The following PTPRQ variants were observed in gnomAD, a reference collection of about 807,000 sequenced individuals.
PTPRQ encodes the protein phosphatidylinositol phosphatase PTPRQ.
A neutral mutation model predicts 246.0 loss-of-function variants in PTPRQ; 199 were observed. The observed-to-expected ratio is 0.81, with a 90% CI of 0.72 to 0.91. The LOEUF is 0.91. Among genes scored for constraint, PTPRQ ranks in the 40% least tolerant of loss-of-function variants. The pLI, the probability that PTPRQ is intolerant of heterozygous loss-of-function variation, is 0.00. For missense variants in PTPRQ, 2,624 were observed against 2,528.4 expected (o/e 1.04, Z -0.81); for synonymous variants, 869 against 853.2 (o/e 1.02, Z -0.32).
In PTPRQ at chr12:80,445,720, A is replaced by T; in HGVS notation, c.390+3A>T. The T allele has an allele frequency of 6.6e-7, 1 of 1,513,376 alleles. No individual in the cohort carries two copies. Among genetic ancestry groups the T allele is most frequent in the Non-Finnish European group, 9.0e-7 (1 of 1,112,784 alleles). The allele number at this position is 1,513,376 out of a possible 1,614,324, so 93.7% of individuals were successfully genotyped here. On this transcript the variant is annotated splice_donor_region_variant and intron_variant, in intron 3 of 44. Transcript: ENST00000644991. ...CTGGAACAACATATGAAATTAAGGT[A>T]ATTATTTTGTGTATGACTACTTAGT...
At chr12:80,552,918 G>C (rs1474920328) in intron 25 of PTPRQ, among the ~76,000 whole-genome samples, 4 of 151,618 alleles carry the variant, frequency 2.6e-5, no homozygotes, top group Non-Finnish European at 1.5e-5. Context: ...TTGGGAATTA[G>C]GACTCAGATC....
chr12:80,633,072 G>A (rs1020762054), intron 34 of PTPRQ, among the ~76,000 whole-genome samples: 2 of 152,010 alleles, frequency 1.3e-5, no homozygotes, highest in Admixed American at 1.3e-4. Context: ...CCTCACTTTC[G>A]GCCGGCTGGC....
intron 17 of PTPRQ, among the ~76,000 whole-genome samples, chr12:80,523,766 A>G (rs1252325119): frequency 2.6e-5 from 4 of 152,180 alleles, no homozygotes; most frequent in Non-Finnish European, 5.9e-5. Context: ...ACATTTGCTG[A>G]GGAGTGCTTT....
intron 3 of PTPRQ, among the ~76,000 whole-genome samples, chr12:80,451,232 T>C (rs1279066845): frequency 1.3e-5 from 2 of 150,072 alleles, no homozygotes; most frequent in Admixed American, 6.7e-5. Context: ...ATATCCCCTT[T>C]ATCATTTTTT....
chr12:80,646,275 C>T (rs1379554291), intron 35 of PTPRQ, among the ~76,000 whole-genome samples: 1 of 152,074 alleles, frequency 6.6e-6, no homozygotes, highest in Non-Finnish European at 1.5e-5. Flanking sequence ...ATTTCCCAAA[C>T]TAGGAAACTG....
chr12:80,517,846 G>A (rs373469250), intron 17 of PTPRQ, among the ~76,000 whole-genome samples: 34 of 152,260 alleles, frequency 2.2e-4, no homozygotes, highest in East Asian at 1.5e-3. Context: ...ACTCCATTGC[G>A]TATAGATGTA....
Position 80,493,301 on chromosome 12 carries a change from A to C in PTPRQ, c.1386A>C (p.Glu462Asp), listed in dbSNP as rs962738129. 1.3e-6 allele frequency: 2 copies of C among 1,539,830 alleles called. No individual in the cohort carries two copies. Among genetic ancestry groups the C allele is most frequent in the African/African-American group, 2.8e-5 (2 of 72,292 alleles). The change falls in exon 10 of 45, where the codon GAA becomes GAC. Residue 462 changes from glutamate (E) to aspartate (D), a missense_variant. Transcript: ENST00000644991. ...NEYINDPMAP[E>D]IVNIVEPMVG... is the part of the protein sequence containing the mutation. Reference sequence around the variant, plus strand: ...ATATAAATGACCCCATGGCTCCAGAAATTGTGAACATAGTAGAGCCAATGG... The same window carrying C: ...ATATAAATGACCCCATGGCTCCAGACATTGTGAACATAGTAGAGCCAATGG...
chr12:80,470,172 C>T (rs539315870), intron 7 of PTPRQ, among the ~76,000 whole-genome samples: 3 of 152,300 alleles, frequency 2.0e-5, no homozygotes, highest in South Asian at 2.1e-4. Flanking sequence ...ACGAGAATTA[C>T]TGGAAAGGTG....
chr12:80,574,677 G>T (rs971470280), intron 25 of PTPRQ, among the ~76,000 whole-genome samples: 1 of 151,958 alleles, frequency 6.6e-6, no homozygotes, highest in Admixed American at 6.6e-5. Flanking sequence ...CATGAATTTT[G>T]CAGAAGTATT....
chr12:80,508,801 T>G (rs954571266), intron 16 of PTPRQ, among the ~76,000 whole-genome samples: 1 of 152,054 alleles, frequency 6.6e-6, no homozygotes, highest in South Asian at 2.1e-4. Context: ...AATAAAATGT[T>G]TTACATTAAG....
Position 80,605,203 on chromosome 12 carries a change from T to TA in PTPRQ, c.4731+27dup, listed in dbSNP as rs774470228. The TA allele has an allele frequency of 3.1e-5, 48 of 1,534,218 alleles. No homozygotes were observed. In the Middle Eastern group the frequency reaches 8.4e-4, roughly 27 times the overall value. On this transcript the variant is annotated intron_variant, in intron 27 of 44. Coordinates refer to ENST00000644991, the MANE Select transcript of PTPRQ (RefSeq NM_001145026.2). ...TCGGTAAGGCATGTCTTACCTTCTG[T>TA]AAAAGCCAGTATAAAATGGTTAATA...
At chr12:80,585,159 C>T (rs1244395189) in intron 25 of PTPRQ, among the ~76,000 whole-genome samples, 2 of 151,972 alleles carry the variant, frequency 1.3e-5, no homozygotes, top group Non-Finnish European at 2.9e-5. Context: ...TCAAAGTTAA[C>T]CTACTCAAAA....
intron 3 of PTPRQ, chr12:80,454,643 T>C: frequency 1.5e-6 from 1 of 658,950 alleles, no homozygotes; most frequent in Middle Eastern, 2.6e-4. Flanking sequence ...TATGTTCCTT[T>C]GATGCCTACT....
intron 35 of PTPRQ, among the ~76,000 whole-genome samples, chr12:80,643,035 A>G (rs367550012): frequency 2.0e-5 from 3 of 151,768 alleles, no homozygotes; most frequent in Non-Finnish European, 4.4e-5. Flanking sequence ...CCAAAGAGCT[A>G]TCCTTCAAAT....
rs1438690442 is a variant in PTPRQ at position 80,620,361 on chromosome 12, CAAAAAAGCAATACTTGTAAGT to C, written c.5599_5612+7del. The C allele has an allele frequency of 6.5e-7, 1 of 1,547,566 alleles. No homozygotes were observed. ...AAAATTTGCAATGGACCACTGAAAC[CAAAAAAGCAATACTTGTAAGT>C]ATAGGTTATATCTACCATGCATTCT... On this transcript the variant is annotated splice_donor_variant and splice_donor_5th_base_variant and coding_sequence_variant and intron_variant, in exon 32 of 45. Coordinates refer to ENST00000644991, the MANE Select transcript of PTPRQ (RefSeq NM_001145026.2). LOFTEE classifies it high-confidence loss of function.
In PTPRQ at chr12:80,506,060, A is replaced by G. The variant is rs987169491; in HGVS notation, c.2309A>G (p.Asn770Ser). The change falls in exon 15 of 45, where the codon AAT becomes AGT. Residue 770 changes from asparagine to serine, a missense_variant. By Grantham distance (46) the Asn-to-Ser change is conservative. Transcript: ENST00000644991. ...DSAPENITYK[N>S]ISSGEIELSF... ...GCACCAGAAAATATCACTTACAAAAATATTTCTTCTGGAGAGATTGAGCTA... is the reference window on the plus strand; with the variant it reads ...GCACCAGAAAATATCACTTACAAAAGTATTTCTTCTGGAGAGATTGAGCTA... 3 of 1,547,072 alleles carry G rather than the reference A, an allele frequency of 1.9e-6. No individual in the cohort carries two copies. Among genetic ancestry groups the G allele is most frequent in the African/African-American group, 1.4e-5 (1 of 72,840 alleles).
chr12:80,496,295 C>T lies in PTPRQ; in HGVS notation c.2036C>T (p.Ala679Val). The T allele has an allele frequency of 2.8e-5, 43 of 1,550,580 alleles. 1 individual carries two copies. Among genetic ancestry groups the T allele is most frequent in the Non-Finnish European group, 3.6e-5 (41 of 1,146,414 alleles). The change falls in exon 14 of 45, where the codon GCA becomes GTA. Residue 679 changes from alanine (A) to valine (V), a missense_variant. Ala to Val is a moderately conservative substitution (Grantham distance 64, BLOSUM62 0). Coordinates refer to ENST00000644991, the MANE Select transcript of PTPRQ (RefSeq NM_001145026.2). ...GATGTCGAAGTAATTGATGTTACCG[C>T]AGATGAAATAAGGTTGAAGTGGTCA... ...PQDVEVIDVT[A>V]DEIRLKWSPP...
intron 6 of PTPRQ, among the ~76,000 whole-genome samples, chr12:80,463,083 A>C (rs1032089422): frequency 1.1e-4 from 16 of 152,198 alleles, no homozygotes; most frequent in African/African-American, 3.4e-4. Flanking sequence ...TACAGGAGGA[A>C]ATTCAAACCA....
intron 14 of PTPRQ, among the ~76,000 whole-genome samples, chr12:80,497,002 T>G (rs1021802276): frequency 6.6e-6 from 1 of 151,824 alleles, no homozygotes; most frequent in African/African-American, 2.4e-5. Flanking sequence ...GAGGTTGGAA[T>G]GGGCAGAAGG....
Sources: allele counts gnomAD v4.1 joint callset (sites outside exome capture counted in the v4.1 genomes callset), GRCh38; gene constraint gnomAD v4.1.1; transcripts MANE v1.5; gene names NCBI Gene and HGNC (gene_info 2026-07-23, HGNC 2026-07-21).